Variants in PINX1 observed in about 807,000 individuals in gnomAD.
PINX1 encodes PIN2 (TERF1) interacting telomerase inhibitor 1.
Under a neutral mutation model 25.4 loss-of-function variants are expected in PINX1, and 34 were observed. That is an observed-to-expected ratio of 1.34 (90% CI 1.02 to 1.78). The LOEUF is 1.78. Among genes scored for constraint, PINX1 ranks in the 40% most tolerant of loss-of-function variants. The probability of loss-of-function intolerance (pLI) is 0.00; values close to 1 mark genes in which losing one functional copy is unlikely to be tolerated. For synonymous variants in PINX1, 197 were observed against 147.7 expected (o/e 1.33, Z -2.42); for missense variants, 592 against 404.9 (o/e 1.46, Z -3.97).
At chr8:10,836,244 CA>C (rs1798403580) in intron 1 of PINX1, among the ~76,000 whole-genome samples, 1 of 149,332 alleles carries the variant, frequency 6.7e-6, no homozygotes, top group Non-Finnish European at 1.5e-5. Context: ...AGGCCCTTAA[CA>C]AAGCAAAACA....
chr8:10,838,810 C>T (rs1295325787), intron 1 of PINX1, among the ~76,000 whole-genome samples: 1 of 152,210 alleles, frequency 6.6e-6, no homozygotes, highest in Non-Finnish European at 1.5e-5. Context: ...ACCTCAATGA[C>T]TAGGGGCAAA....
At chr8:10,766,682 G>C (rs1416354964) in intron 6 of PINX1, among the ~76,000 whole-genome samples, 1 of 152,194 alleles carries the variant, frequency 6.6e-6, no homozygotes, top group Non-Finnish European at 1.5e-5. Flanking sequence ...TTTTAAATGT[G>C]AGTTACTCAC....
chr8:10,775,671 G>A (rs1187870700), intron 6 of PINX1, among the ~76,000 whole-genome samples: 1 of 152,148 alleles, frequency 6.6e-6, no homozygotes, highest in African/African-American at 2.4e-5. Context: ...GCAAAGGACA[G>A]AAAACGGGTA....
intron 6 of PINX1, among the ~76,000 whole-genome samples, chr8:10,776,834 G>A (rs1218953052): frequency 6.6e-6 from 1 of 152,078 alleles, no homozygotes; most frequent in Non-Finnish European, 1.5e-5. Flanking sequence ...TGCCTTCTCC[G>A]CCAACCCTTC....
At chr8:10,795,925 C>T (rs1802070421) in intron 6 of PINX1, among the ~76,000 whole-genome samples, 1 of 151,826 alleles carries the variant, frequency 6.6e-6, no homozygotes, top group African/African-American at 2.4e-5. Flanking sequence ...CTGAACAAAG[C>T]TTTGTATGGA....
chr8:10,793,189 T>G (rs1040033154), intron 6 of PINX1, among the ~76,000 whole-genome samples: 3 of 152,330 alleles, frequency 2.0e-5, no homozygotes, highest in South Asian at 4.1e-4. Context: ...CCCCCAAGTC[T>G]GTAACTCCTA....
At chr8:10,828,490 AG>A (rs1798124283) in intron 4 of PINX1, among the ~76,000 whole-genome samples, 1 of 152,164 alleles carries the variant, frequency 6.6e-6, no homozygotes, top group South Asian at 2.1e-4. Flanking sequence ...AGGCACACCC[AG>A]GAAGCCCCCG....
chr8:10,824,392 G>A (rs1023824230), intron 5 of PINX1, among the ~76,000 whole-genome samples: 1 of 152,122 alleles, frequency 6.6e-6, no homozygotes, highest in Non-Finnish European at 1.5e-5. Context: ...CGTAGGCCCA[G>A]TCTGCATGTC....
chr8:10,798,069 G>T (rs1420620773), intron 6 of PINX1, among the ~76,000 whole-genome samples: 1 of 152,196 alleles, frequency 6.6e-6, no homozygotes, highest in Non-Finnish European at 1.5e-5. Flanking sequence ...AGGAATAGAC[G>T]GGGAGACAGA....
At chr8:10,781,548 G>C (rs532024792) in intron 6 of PINX1, among the ~76,000 whole-genome samples, 1 of 152,292 alleles carries the variant, frequency 6.6e-6, no homozygotes, top group South Asian at 2.1e-4. Flanking sequence ...ATGCTGGACA[G>C]GTATTTCTCA....
At chr8:10,783,969 C>A (rs10096939) in intron 6 of PINX1, among the ~76,000 whole-genome samples, 1 of 151,972 alleles carries the variant, frequency 6.6e-6, no homozygotes, top group Non-Finnish European at 1.5e-5. Flanking sequence ...ATTTTATTCA[C>A]TAATGTTAAG....
At chr8:10,777,182 C>A (rs1452919330) in intron 6 of PINX1, among the ~76,000 whole-genome samples, 1 of 152,206 alleles carries the variant, frequency 6.6e-6, no homozygotes, top group Non-Finnish European at 1.5e-5. Flanking sequence ...CCTGCCCTCA[C>A]CCTCACTGCT....
intron 6 of PINX1, among the ~76,000 whole-genome samples, chr8:10,804,898 G>A (rs1373243289): frequency 6.6e-6 from 1 of 151,744 alleles, no homozygotes; most frequent in Admixed American, 6.6e-5. Flanking sequence ...ATTCTCATAT[G>A]AAGTGACCCT....
intron 4 of PINX1, among the ~76,000 whole-genome samples, chr8:10,826,732 G>C (rs764201354): frequency 1.3e-5 from 2 of 152,200 alleles, no homozygotes; most frequent in Non-Finnish European, 2.9e-5. Context: ...ATTGTGCTTA[G>C]TCAGAGGTCC....
chr8:10,793,049 C>T (rs943058200), intron 6 of PINX1, among the ~76,000 whole-genome samples: 2 of 152,168 alleles, frequency 1.3e-5, no homozygotes, highest in Non-Finnish European at 2.9e-5. Flanking sequence ...GCGTGCCATT[C>T]TGACCCTCGC....
At chr8:10,808,769 T>C (rs1210670635) in intron 6 of PINX1, among the ~76,000 whole-genome samples, 1 of 152,216 alleles carries the variant, frequency 6.6e-6, no homozygotes, top group South Asian at 2.1e-4. Context: ...TAAACCTAGA[T>C]AGTCAAAACC....
rs543767951 is a variant in PINX1, at chr8:10,810,003, G to C, written c.471+10190C>G. ...TTCCAATCATGGTGGAAGGAGAAGGGAGAGCCAGCCCATCACATGGCCAGA... is the reference window on the plus strand; with the variant it reads ...TTCCAATCATGGTGGAAGGAGAAGGCAGAGCCAGCCCATCACATGGCCAGA... On this transcript the variant is annotated intron_variant, in intron 6 of 6. Coordinates refer to ENST00000314787, the MANE Select transcript of PINX1 (RefSeq NM_017884.6). Among the ~76,000 whole-genome samples, 3 of 152,342 alleles carry C rather than the reference G, an allele frequency of 2.0e-5. No individual in the cohort carries two copies. The South Asian group carries it at 6.2e-4, about 32-fold the overall frequency.
At chr8:10,766,586 C>A (rs1486093334) in intron 6 of PINX1, among the ~76,000 whole-genome samples, 2 of 152,366 alleles carry the variant, frequency 1.3e-5, no homozygotes, top group South Asian at 4.1e-4. Flanking sequence ...TTGGGGGCTT[C>A]TTTCCCTCAG....
chr8:10,805,795 A>T (rs1802430017), intron 6 of PINX1, among the ~76,000 whole-genome samples: 1 of 125,134 alleles, frequency 8.0e-6, no homozygotes, highest in African/African-American at 2.9e-5. Context: ...AGAGCACAGG[A>T]AGAAGCCACA....
Sources: allele counts gnomAD v4.1 joint callset (sites outside exome capture counted in the v4.1 genomes callset), GRCh38; gene constraint gnomAD v4.1.1; transcripts MANE v1.5; gene names NCBI Gene and HGNC (gene_info 2026-07-23, HGNC 2026-07-21).